CCM2: variants seen among roughly 807,000 people sequenced by gnomAD.
The protein encoded by CCM2 is cerebral cavernous malformations 2 protein.
Under a neutral mutation model 44.9 loss-of-function variants are expected in CCM2, and 25 were observed. The observed-to-expected ratio is 0.56, with a 90% CI of 0.41 to 0.78. The LOEUF (loss-of-function observed/expected upper bound fraction) is 0.78. Ranked by LOEUF, CCM2 falls within the 30% of genes least tolerant of loss-of-function variation. CCM2 has a pLI of 0.00. For missense variants in CCM2, 481 were observed against 580.6 expected (o/e 0.83, Z 1.76); for synonymous variants, 219 against 241.1 (o/e 0.91, Z 0.85).
chr7:45,047,850 G>A (rs184798683), intron 2 of CCM2, among the ~76,000 whole-genome samples: 31 of 152,238 alleles, frequency 2.0e-4, no homozygotes, highest in Non-Finnish European at 2.8e-4. Flanking sequence ...TAAAGGGAGC[G>A]ATGGATCTCC....
chr7:45,056,566 C>T (rs1798273174), intron 2 of CCM2, among the ~76,000 whole-genome samples: 1 of 152,142 alleles, frequency 6.6e-6, no homozygotes, highest in South Asian at 2.1e-4. Context: ...TTTGCATTTC[C>T]CTAATAACTA....
chr7:45,025,093 A>G (rs2128720564), intron 1 of CCM2, among the ~76,000 whole-genome samples: 1 of 152,322 alleles, frequency 6.6e-6, no homozygotes, highest in Admixed American at 6.5e-5. Context: ...ACTTCATGTA[A>G]AGGACCAGAC....
intron 9 of CCM2, among the ~76,000 whole-genome samples, 166 bp downstream of exon 9, chr7:45,074,574 A>G (rs1197565247): frequency 6.6e-6 from 1 of 152,114 alleles, no homozygotes; most frequent in East Asian, 1.9e-4. Context: ...GAGATCGGGG[A>G]ATCTGCTGTG....
chr7:45,065,151 TAGAATTGGGCAGAATTGGGC>T (rs11276086), intron 4 of CCM2, among the ~76,000 whole-genome samples: 34,106 of 151,776 alleles, frequency 0.22, 3,842 homozygotes, highest in Admixed American at 0.26. Flanking sequence ...CACAATGGGA[TAGAATTGGGCAGAATTGGGC>T]AGAATTGGGC....
At chr7:45,060,675 G>A (rs758574453) in intron 2 of CCM2, among the ~76,000 whole-genome samples, 4 of 151,898 alleles carry the variant, frequency 2.6e-5, no homozygotes, top group Non-Finnish European at 5.9e-5. Flanking sequence ...TTCTGTTGAC[G>A]TATTCTTAAG....
chr7:45,019,227 G>GTAGTGGTGCTAA lies in CCM2; in HGVS notation c.30+18865_30+18866insAGTGGTGCTAAT, dbSNP rs1380353789. Among the ~76,000 whole-genome samples, 26 of 151,848 alleles carry GTAGTGGTGCTAA rather than the reference G, an allele frequency of 1.7e-4. No individual in the cohort carries two copies. In the East Asian group the frequency reaches 5.1e-3, roughly 30 times the overall value. On this transcript the variant is annotated intron_variant, in intron 1 of 9. Coordinates refer to ENST00000258781, the MANE Select transcript of CCM2 (RefSeq NM_031443.4). ...GCCGGGACTACAGGCATGCACCACT[G>GTAGTGGTGCTAA]TGCCCGGCTAATGAAAAAAGTTTTT...
chr7:45,017,841 TTTA>T (rs1227292943), intron 1 of CCM2, among the ~76,000 whole-genome samples: 5 of 152,166 alleles, frequency 3.3e-5, no homozygotes, highest in African/African-American at 1.2e-4. Flanking sequence ...TGCTTAGGAT[TTTA>T]TTTTTAGTTC....
rs149517364 is a variant in CCM2, at chr7:45,060,257, G to C, written c.205-3661G>C. Among the ~76,000 whole-genome samples, 3 of 152,250 alleles carry C rather than the reference G, an allele frequency of 2.0e-5. No individual in the cohort carries two copies. The South Asian group carries it at 6.2e-4, about 32-fold the overall frequency. On this transcript the variant is annotated intron_variant, in intron 2 of 9. Coordinates refer to ENST00000258781, the MANE Select transcript of CCM2 (RefSeq NM_031443.4). ...GTTCCCTCCTCTCTCTTCTTGCTTG[G>C]ATGGTTCCTGAAGAGAAATCCAGTG...
chr7:45,063,807 G>T, intron 2 of CCM2, 111 bp from the exon 3 acceptor site: 1 of 783,234 alleles, frequency 1.3e-6, no homozygotes, highest in Non-Finnish European at 2.3e-6. Context: ...GGAGACCCAT[G>T]GGCCTGGTGG....
chr7:45,042,968 C>CTTTTTTTT (rs35874377), intron 2 of CCM2, among the ~76,000 whole-genome samples: 1 of 134,630 alleles, frequency 7.4e-6, no homozygotes. Context: ...TCTTCTTCTT[C>CTTTTTTTT]TTTTTTTTTT....
At chr7:45,054,768 C>T (rs1182727316) in intron 2 of CCM2, among the ~76,000 whole-genome samples, 2 of 152,184 alleles carry the variant, frequency 1.3e-5, no homozygotes, top group African/African-American at 2.4e-5. Flanking sequence ...TGTAGCTGTG[C>T]TCTTGGCTTG....
At chr7:45,017,785 C>T (rs1796324446) in intron 1 of CCM2, among the ~76,000 whole-genome samples, 1 of 152,186 alleles carries the variant, frequency 6.6e-6, no homozygotes, top group African/African-American at 2.4e-5. Flanking sequence ...CCCAAGGCAT[C>T]TTGTCATGGC....
intron 3 of CCM2, 109 bp downstream of exon 3, chr7:45,064,110 A>T: frequency 2.6e-6 from 2 of 760,034 alleles, no homozygotes; most frequent in South Asian, 3.1e-5. Flanking sequence ...CCATCACATT[A>T]TGGGTACACT....
At chr7:45,006,431 C>T (rs1423188982) in intron 1 of CCM2, among the ~76,000 whole-genome samples, 3 of 152,046 alleles carry the variant, frequency 2.0e-5, no homozygotes, top group Non-Finnish European at 4.4e-5. Context: ...GCAAGCTCCG[C>T]CTCCCAGGTT....
Position 45,014,856 on chromosome 7 carries a change from G to T in CCM2, c.30+14493G>T, listed in dbSNP as rs570565252. 4.6e-4 allele frequency among the ~76,000 whole-genome samples: 67 copies of T among 145,850 alleles called. 1 individual carries two copies. In the South Asian group the frequency reaches 9.3e-3, roughly 20 times the overall value. On this transcript the variant is annotated intron_variant, in intron 1 of 9. Coordinates refer to ENST00000258781, the MANE Select transcript of CCM2 (RefSeq NM_031443.4). ...AGGCTGACTGTGAACTCCTGACATC[G>T]GCTGATCGGCCCACCTCAGCCTCCC...
intron 2 of CCM2, among the ~76,000 whole-genome samples, chr7:45,048,674 A>AT (rs1035561873): frequency 2.6e-5 from 4 of 151,918 alleles, no homozygotes; most frequent in African/African-American, 9.7e-5. Flanking sequence ...GAGGCAGGAG[A>AT]TTCGCTTGAA....
At chr7:45,030,922 C>G (rs954353452) in intron 1 of CCM2, among the ~76,000 whole-genome samples, 1 of 151,174 alleles carries the variant, frequency 6.6e-6, no homozygotes, top group Non-Finnish European at 1.5e-5. Flanking sequence ...CGGGGTTTCA[C>G]CATGTTGGCC....
chr7:45,066,803 C>T (rs531702294), intron 4 of CCM2, among the ~76,000 whole-genome samples: 36 of 152,178 alleles, frequency 2.4e-4, no homozygotes, highest in Admixed American at 7.2e-4. Context: ...CTACCACAGG[C>T]ACACACCAGG....
chr7:45,014,302 G>A (rs1486731154), intron 1 of CCM2, among the ~76,000 whole-genome samples: 8 of 151,858 alleles, frequency 5.3e-5, no homozygotes, highest in Non-Finnish European at 8.8e-5. Flanking sequence ...ACCCATACCC[G>A]GCTAATTTTT....
Sources: allele counts gnomAD v4.1 joint callset (sites outside exome capture counted in the v4.1 genomes callset), GRCh38; gene constraint gnomAD v4.1.1; transcripts MANE v1.5; gene names NCBI Gene and HGNC (gene_info 2026-07-23, HGNC 2026-07-21).